DIP2C: variants seen among roughly 807,000 people sequenced by gnomAD.
The protein encoded by DIP2C is DIP2 acetate--CoA ligase C (putative).
Under a neutral mutation model 192.4 loss-of-function variants are expected in DIP2C, and 33 were observed. The ratio of observed to expected loss-of-function variants is 0.17; its 90% CI spans 0.13 to 0.23. The LOEUF (loss-of-function observed/expected upper bound fraction) is 0.23, where lower values mean the gene tolerates loss of function less well. Among genes scored for constraint, DIP2C ranks in the 10% least tolerant of loss-of-function variants. The probability of loss-of-function intolerance (pLI) is 1.00; values close to 1 mark genes in which losing one functional copy is unlikely to be tolerated. For synonymous variants in DIP2C, 979 were observed against 864.1 expected (o/e 1.13, Z -2.33); for missense variants, 1,537 against 2,110.1 (o/e 0.73, Z 5.32).
At chr10:599,845 AGGATGCACTGT>A (rs1851942559) in intron 1 of DIP2C, among the ~76,000 whole-genome samples, 1 of 152,172 alleles carries the variant, frequency 6.6e-6, no homozygotes, top group Admixed American at 6.5e-5. Flanking sequence ...CCATGCACTG[AGGATGCACTGT>A]GGGGGACAGT....
At chr10:540,459 A>AC (rs1295100523) in intron 1 of DIP2C, among the ~76,000 whole-genome samples, 3 of 152,094 alleles carry the variant, frequency 2.0e-5, no homozygotes, top group Admixed American at 2.0e-4. Context: ...AAAACCTAAA[A>AC]CACTTCCTCA....
chr10:324,180 T>TA (rs748248381), intron 31 of DIP2C, among the ~76,000 whole-genome samples: 3 of 152,206 alleles, frequency 2.0e-5, no homozygotes, highest in Non-Finnish European at 4.4e-5. Flanking sequence ...TCTACATGCC[T>TA]ACCGTCCAAC....
At chr10:467,207 AATG>A (rs1189690813) in intron 3 of DIP2C, among the ~76,000 whole-genome samples, 5 of 152,214 alleles carry the variant, frequency 3.3e-5, no homozygotes, top group Non-Finnish European at 7.3e-5. Flanking sequence ...GCAGCCATAA[AATG>A]ATGAGTTCAT....
At position 421,772 on chromosome 10, in the gene DIP2C, T is replaced by TAA. The variant is rs376807662; in HGVS notation, c.604+1050_604+1051dup. On this transcript the variant is annotated intron_variant, in intron 5 of 36. Transcript: ENST00000280886. ...TTCATTTTTTTCCTCACCAAAAGCC[T>TAA]AAAAGCAGGAGAACTGACTTCAAGA... 1.0e-3 allele frequency among the ~76,000 whole-genome samples: 156 copies of TAA among 152,250 alleles called. 1 individual carries two copies. The highest frequency in any genetic ancestry group is 3.5e-3 in the African/African-American group (144 of 41,554).
chr10:679,538 GCTCCCCGCACCCATC>G (rs796314175), intron 1 of DIP2C, among the ~76,000 whole-genome samples: 2 of 5,934 alleles, frequency 3.4e-4, no homozygotes, highest in East Asian at 5.2e-3. Context: ...CCACGCCCAT[GCTCCCCGCACCCATC>G]CTCCCCGCAC....
At chr10:481,678 A>AG (rs1843621954) in intron 2 of DIP2C, among the ~76,000 whole-genome samples, 1 of 152,264 alleles carries the variant, frequency 6.6e-6, no homozygotes, top group African/African-American at 2.4e-5. Context: ...TAGACACCTG[A>AG]GGCAGTGGAA....
chr10:356,003 C>G (rs1959063055), intron 24 of DIP2C, among the ~76,000 whole-genome samples: 1 of 152,180 alleles, frequency 6.6e-6, no homozygotes, highest in Non-Finnish European at 1.5e-5. Context: ...TTGCTTCAAC[C>G]AGGGAGGTGG....
chr10:537,530 C>T (rs1264112606), intron 1 of DIP2C, among the ~76,000 whole-genome samples: 1 of 151,986 alleles, frequency 6.6e-6, no homozygotes, highest in East Asian at 1.9e-4. Context: ...GCCCCCCACA[C>T]ATTTGTCCCC....
At chr10:365,683 G>A (rs1338798130) in intron 19 of DIP2C, among the ~76,000 whole-genome samples, 2 of 152,248 alleles carry the variant, frequency 1.3e-5, no homozygotes, top group Non-Finnish European at 2.9e-5. Flanking sequence ...CACTGAACGT[G>A]TGTCTGAGCC....
At chr10:518,184 G>T (rs1052380015) in intron 1 of DIP2C, among the ~76,000 whole-genome samples, 1 of 152,236 alleles carries the variant, frequency 6.6e-6, no homozygotes, top group South Asian at 2.1e-4. Flanking sequence ...CCACCCCAAG[G>T]TCATGGCCTC....
At chr10:658,018 CCCCTGGACCTGCCCTTGGACCTGT>C (rs1856498488) in intron 1 of DIP2C, among the ~76,000 whole-genome samples, 1 of 144,080 alleles carries the variant, frequency 6.9e-6, no homozygotes. Context: ...CCTGGACCTG[CCCCTGGACCTGCCCTTGGACCTGT>C]CCCTGGACCT....
intron 9 of DIP2C, among the ~76,000 whole-genome samples, chr10:404,123 C>G (rs1964624699): frequency 6.6e-6 from 1 of 151,890 alleles, no homozygotes; most frequent in South Asian, 2.1e-4. Flanking sequence ...ATTACTCTTC[C>G]TTATGGACAA....
intron 1 of DIP2C, among the ~76,000 whole-genome samples, chr10:518,605 G>A (rs530966239): frequency 6.6e-6 from 1 of 152,316 alleles, no homozygotes; most frequent in East Asian, 1.9e-4. Flanking sequence ...GAAGGCGTGT[G>A]CCAACCAGGA....
intron 1 of DIP2C, among the ~76,000 whole-genome samples, chr10:567,571 A>G (rs1181859003): frequency 3.9e-5 from 6 of 152,176 alleles, no homozygotes; most frequent in African/African-American, 9.7e-5. Flanking sequence ...AATCATCTGA[A>G]TATTTCTGCC....
At chr10:660,358 CCT>C (rs1856679634) in intron 1 of DIP2C, among the ~76,000 whole-genome samples, 1 of 149,450 alleles carries the variant, frequency 6.7e-6, no homozygotes, top group Non-Finnish European at 1.5e-5. Context: ...AGCCCTTGTC[CCT>C]GTTTCAAGTT....
intron 31 of DIP2C, among the ~76,000 whole-genome samples, chr10:313,281 C>T (rs997504615): frequency 2.0e-5 from 3 of 151,884 alleles, no homozygotes; most frequent in African/African-American, 2.4e-5. Context: ...CACAGACAAA[C>T]AGCATTAACC....
intron 9 of DIP2C, among the ~76,000 whole-genome samples, chr10:408,439 A>G (rs887246240): frequency 2.0e-5 from 3 of 152,242 alleles, no homozygotes; most frequent in African/African-American, 7.2e-5. Context: ...AAAGAATCCC[A>G]GGCCACGGTC....
At chr10:602,917 C>CA (rs1477949870) in intron 1 of DIP2C, among the ~76,000 whole-genome samples, 1 of 152,154 alleles carries the variant, frequency 6.6e-6, no homozygotes, top group Non-Finnish European at 1.5e-5. Context: ...TCCCGCCTCT[C>CA]AACACAACAG....
intron 4 of DIP2C, chr10:437,860 GAGCAATGA>G: frequency 6.6e-6 from 1 of 152,290 alleles, no homozygotes; most frequent in African/African-American, 2.4e-5. Context: ...ATTCTCTGAA[GAGCAATGA>G]AACTGAGATA....
Sources: allele counts gnomAD v4.1 joint callset (sites outside exome capture counted in the v4.1 genomes callset), GRCh38; gene constraint gnomAD v4.1.1; transcripts MANE v1.5; gene names NCBI Gene and HGNC (gene_info 2026-07-23, HGNC 2026-07-21).